The following MUC5B variants were observed in gnomAD, a reference collection of about 807,000 sequenced individuals.
MUC5B encodes the protein mucin 5B, oligomeric mucus/gel-forming.
Under a neutral mutation model 376.9 loss-of-function variants are expected in MUC5B, and 116 were observed. The observed-to-expected ratio is 0.31, with a 90% confidence interval of 0.26 to 0.36. MUC5B has a LOEUF of 0.36. Among genes scored for constraint, MUC5B ranks in the 10% least tolerant of loss-of-function variants. MUC5B has a pLI of 1.00. For synonymous variants in MUC5B, 3,517 were observed against 3,390.9 expected, an observed-to-expected ratio of 1.04 and a Z score of -1.29; for missense variants, 7,165 against 7,769.9, an observed-to-expected ratio of 0.92 and a Z score of 2.93.
chr11:1,223,074 C>A lies in MUC5B; in HGVS notation c.-50C>A, dbSNP rs749701950. 1.0e-5 allele frequency: 7 copies of A among 688,598 alleles called. No homozygotes were observed. Among genetic ancestry groups the A allele is most frequent in the Middle Eastern group, 3.7e-4 (1 of 2,682 alleles). The allele number at this position is 688,598 out of a possible 1,614,324, so 42.7% of individuals were successfully genotyped here. A position where few individuals can be genotyped will look rare whatever the true frequency, so the allele number is the denominator to read the frequency against. ...CCCCCAGGGGAGCAAGCACCCGGCC[C>A]GGCTCCCTCCCTGCCCGTCCCCGTC... On this transcript the variant is annotated 5_prime_UTR_variant, in exon 1 of 49. Coordinates refer to ENST00000529681, the MANE Select transcript of MUC5B (RefSeq NM_002458.3).
chr11:1,255,304 C>T (rs1229119123), intron 36 of MUC5B, 38 bp downstream of exon 36: 3 of 1,505,206 alleles, frequency 2.0e-6, no homozygotes, highest in African/African-American at 2.8e-5. Flanking sequence ...CCCTGGGGCG[C>T]CCCCGCCCGC....
intron 1 of MUC5B, among the ~76,000 whole-genome samples, chr11:1,224,303 C>T (rs990287892): frequency 2.0e-5 from 3 of 152,110 alleles, no homozygotes; most frequent in African/African-American, 7.2e-5. Flanking sequence ...GGCAGCCCTG[C>T]ACAGAGCAGC....
In MUC5B at chr11:1,247,583, C is replaced by T; in HGVS notation, c.10703C>T (p.Thr3568Ile). Residue 3568 changes from threonine to isoleucine, a missense_variant, in exon 31 of 49, where the codon ACC becomes ATC. Physicochemically the swap from Thr to Ile is moderately conservative, Grantham distance 89. Transcript: ENST00000529681. ...TCGGCCCCCATAACCACGGTGGTGA[C>T]CACGGGCTGTGAGCCCCAGTGTGCC... is the stretch of plus-strand genomic sequence containing the variant. ...PTSAPITTVV[T>I]TGCEPQCAWS... The T allele has an allele frequency of 6.2e-7, 1 of 1,610,916 alleles. No individual in the cohort carries two copies. Among genetic ancestry groups the T allele is most frequent in the Non-Finnish European group, 8.5e-7 (1 of 1,179,438 alleles).
At chr11:1,260,194 G>A (rs557776506) in intron 46 of MUC5B, 109 bp downstream of exon 46, 2 of 1,399,770 alleles carry the variant, frequency 1.4e-6, no homozygotes, top group Non-Finnish European at 9.7e-7. Context: ...CTGCTGGGGA[G>A]GCCCCACCCC....
In MUC5B at chr11:1,226,790, C is replaced by G; in HGVS notation, c.375C>G (p.Ser125=). ...NVQLRRGLVG[S]RPVVTRVVIK... is the part of the protein sequence containing the mutation. ...AGCTACGCCGAGGCCTAGTGGGCTC[C>G]AGGCCTGTGGTCACCCGTGTTGTCA... The change falls in exon 4 of 49, where the codon TCC becomes TCG. Residue 125 remains serine (S), a synonymous_variant. Coordinates refer to ENST00000529681, the MANE Select transcript of MUC5B (RefSeq NM_002458.3). 6.2e-7 allele frequency: 1 copy of G among 1,612,272 alleles called. No individual in the cohort carries two copies. The highest frequency in any genetic ancestry group is 8.5e-7 in the Non-Finnish European group (1 of 1,179,808).
rs750345458 is a variant in MUC5B, at chr11:1,243,733, A to G, written c.6853A>G (p.Thr2285Ala). 22 of 1,610,870 alleles carry G rather than the reference A, an allele frequency of 1.4e-5. No homozygotes were observed. Among genetic ancestry groups the G allele is most frequent in the Non-Finnish European group, 1.9e-5 (22 of 1,179,362 alleles). The change falls in exon 31 of 49, where the codon ACG (threonine) becomes GCG (alanine). Residue 2285 changes from threonine to alanine, a missense_variant. This residue lies in a region of MUC5B where 79 missense variants were observed against 63.0 expected (regional missense o/e 1.25). Coordinates refer to ENST00000529681, the MANE Select transcript of MUC5B (RefSeq NM_002458.3). ...CACGGCCACCTCCAGGACCACAGCCACGGCCACACCCAGCAAGACCCGCAC... is the reference window on the plus strand; with the variant it reads ...CACGGCCACCTCCAGGACCACAGCCGCGGCCACACCCAGCAAGACCCGCAC... ...HTTATSRTTA[T>A]ATPSKTRTST...
In MUC5B at chr11:1,226,902, C is replaced by T. The variant is rs752193141; in HGVS notation, c.461+26C>T. 60 of 1,394,418 alleles carry T rather than the reference C, an allele frequency of 4.3e-5. No homozygotes were observed. The East Asian group carries it at 1.5e-3, about 34-fold the overall frequency. The allele number at this position is 1,394,418 out of a possible 1,614,324, so 86.4% of individuals were successfully genotyped here. Reference sequence around the variant, plus strand: ...GTGAGCCGGCCACCCTGGGGAGGGGCGAGGGCCGGGCCACACAGTGTGACC... The same window carrying T: ...GTGAGCCGGCCACCCTGGGGAGGGGTGAGGGCCGGGCCACACAGTGTGACC... On this transcript the variant is annotated intron_variant, in intron 4 of 48. Transcript: ENST00000529681.
At chr11:1,235,494 CT>C (rs1351783770) in intron 23 of MUC5B, 81 bp downstream of exon 23, 1 of 1,212,620 alleles carries the variant, frequency 8.2e-7, no homozygotes, top group Admixed American at 2.0e-5. Flanking sequence ...GAGGCTTTAG[CT>C]GCACCCACAG....
rs754796980 is a variant in MUC5B, at chr11:1,244,231, T to A, written c.7351T>A (p.Ser2451Thr). ...AGCCACTACGACTGAGTCCACTGGA[T>A]CCACGGCCACCCCGTCCTCCACCCC... ...TTATTTESTG[S>T]TATPSSTPGT... The change falls in exon 31 of 49, where the codon TCC becomes ACC. Residue 2451 changes from serine (S) to threonine (T), a missense_variant. This residue lies in a region of MUC5B where 194 missense variants were observed against 268.5 expected (regional missense o/e 0.72). Coordinates refer to ENST00000529681, the MANE Select transcript of MUC5B (RefSeq NM_002458.3). 1 of 1,611,506 alleles carries A rather than the reference T, an allele frequency of 6.2e-7. No individual in the cohort carries two copies. The highest frequency in any genetic ancestry group is 8.5e-7 in the Non-Finnish European group (1 of 1,178,768).
chr11:1,242,214 C>G lies in MUC5B; in HGVS notation c.5334C>G (p.Ser1778Arg). 1.2e-6 allele frequency: 2 copies of G among 1,613,722 alleles called. No individual in the cohort carries two copies. The highest frequency in any genetic ancestry group is 1.7e-6 in the Non-Finnish European group (2 of 1,179,870). The change falls in exon 31 of 49, where the codon AGC becomes AGG. Residue 1778 changes from serine (S) to arginine (R), a missense_variant. Coordinates refer to ENST00000529681, the MANE Select transcript of MUC5B (RefSeq NM_002458.3). ...TMSPLTNTTT[S>R]QGTTRCQPKC... Reference sequence around the variant, plus strand: ...GCCCCTTGACTAACACCACCACCAGCCAGGGCACGACCCGCTGTCAACCGA... The same window carrying G: ...GCCCCTTGACTAACACCACCACCAGGCAGGGCACGACCCGCTGTCAACCGA...
Position 1,241,001 on chromosome 11 carries a change from T to C in MUC5B, c.4121T>C (p.Val1374Ala). 1 of 1,613,372 alleles carries C rather than the reference T, an allele frequency of 6.2e-7. No homozygotes were observed. The highest frequency in any genetic ancestry group is 8.5e-7 in the Non-Finnish European group (1 of 1,179,840). Reference protein sequence around the residue: ...LRQRGYQVCPVLADIECRAAQ... With the variant: ...LRQRGYQVCPALADIECRAAQ... ...CAGAGAGGGTACCAGGTATGCCCTGTGCTGGCTGACATCGAGTGCCGGGCG... is the reference window on the plus strand; with the variant it reads ...CAGAGAGGGTACCAGGTATGCCCTGCGCTGGCTGACATCGAGTGCCGGGCG... The change falls in exon 31 of 49, where the codon GTG becomes GCG. Residue 1374 changes from valine (V) to alanine (A), a missense_variant. Val to Ala is a moderately conservative substitution (Grantham distance 64, BLOSUM62 0). Around this residue, in one of 31 missense-constraint regions of MUC5B, gnomAD observed 517 missense variants for 545.3 expected, o/e 0.95. Coordinates refer to ENST00000529681, the MANE Select transcript of MUC5B (RefSeq NM_002458.3).
Position 1,233,019 on chromosome 11 carries a change from A to C in MUC5B, c.2072A>C (p.Tyr691Ser). The C allele has an allele frequency of 1.3e-6, 2 of 1,589,312 alleles. No homozygotes were observed. The change falls in exon 18 of 49, where the codon TAC becomes TCC. Residue 691 changes from tyrosine to serine, a missense_variant. Coordinates refer to ENST00000529681, the MANE Select transcript of MUC5B (RefSeq NM_002458.3). ...CTGGCCCCACCGACCACAGCCAAGT[A>C]CATGCAGAACTGCCCCAAGTCCCAG... ...SDWRDGVCTK[Y>S]MQNCPKSQRY...
Position 1,261,715 on chromosome 11 carries a change from T to TGGCA in MUC5B, c.*108_*111dup. 1 of 1,151,914 alleles carries TGGCA rather than the reference T, an allele frequency of 8.7e-7. No individual in the cohort carries two copies. The allele number at this position is 1,151,914 out of a possible 1,614,324, so 71.4% of individuals were successfully genotyped here. On this transcript the variant is annotated 3_prime_UTR_variant, in exon 49 of 49. Transcript: ENST00000529681. ...TCTGCGGAGCCCCCCGGCCTGTGTG[T>TGGCA]GGCACCCCGCGCTCCGTGCTCCTGC...
chr11:1,247,939 C>A lies in MUC5B; in HGVS notation c.11059C>A (p.Pro3687Thr). 2 of 1,611,350 alleles carry A rather than the reference C, an allele frequency of 1.2e-6. No individual in the cohort carries two copies. The highest frequency in any genetic ancestry group is 1.1e-5 in the South Asian group (1 of 91,040). The change falls in exon 31 of 49, where the codon CCG becomes ACG. Residue 3687 changes from proline (P) to threonine (T), a missense_variant. By Grantham distance (38) the Pro-to-Thr change is conservative. Transcript: ENST00000529681. ...TSSTATPSST[P>T]GTTWILTKLT... ...CTCTACGGCCACGCCCTCCTCAACT[C>A]CGGGGACGACCTGGATCCTCACAAA...
chr11:1,244,781 T>C lies in MUC5B; in HGVS notation c.7901T>C (p.Ile2634Thr), dbSNP rs767539584. The C allele has an allele frequency of 1.2e-6, 2 of 1,611,590 alleles. No individual in the cohort carries two copies. Among genetic ancestry groups the C allele is most frequent in the African/African-American group, 2.7e-5 (2 of 74,414 alleles). The change falls in exon 31 of 49, where the codon ATC becomes ACC. Residue 2634 changes from isoleucine to threonine, a missense_variant. Coordinates refer to ENST00000529681, the MANE Select transcript of MUC5B (RefSeq NM_002458.3). ...PGTARTLPVW[I>T]STTTTPTTRG... ...ACGGCACGCACGCTTCCAGTGTGGA[T>C]CAGCACAACCACCACACCCACAACC...
In MUC5B at chr11:1,253,138, G is replaced by A; in HGVS notation, c.15217+158G>A. On this transcript the variant is annotated intron_variant, in intron 33 of 48. Coordinates refer to ENST00000529681, the MANE Select transcript of MUC5B (RefSeq NM_002458.3). The surrounding 1 kb of genome is among the most constrained non-coding windows in gnomAD (Gnocchi z 4.3). ...TGGTGGGGTGCAGTGGGGCATGGTG[G>A]GGCATGGTGGGGTGTGGTGGTGGTG... The A allele has an allele frequency of 1.3e-6, 1 of 799,922 alleles. No homozygotes were observed. Among genetic ancestry groups the A allele is most frequent in the Non-Finnish European group, 2.0e-6 (1 of 496,648 alleles). 49.6% of individuals were successfully genotyped at this position (799,922 alleles called of 1,614,324 possible).
rs200085279 is a variant in MUC5B, at chr11:1,247,925, C to T, written c.11045C>T (p.Thr3682Met). 2.7e-4 allele frequency: 427 copies of T among 1,611,188 alleles called. 6 individuals carry two copies. The highest frequency in any genetic ancestry group is 2.9e-4 in the Non-Finnish European group (344 of 1,178,272). Reference sequence around the variant, plus strand: ...ACCCCGGCCACCAGCTCTACGGCCACGCCCTCCTCAACTCCGGGGACGACC... The same window carrying T: ...ACCCCGGCCACCAGCTCTACGGCCATGCCCTCCTCAACTCCGGGGACGACC... ...PSTPATSSTA[T>M]PSSTPGTTWI... Residue 3682 changes from threonine to methionine, a missense_variant, in exon 31 of 49, where the codon ACG (threonine) becomes ATG (methionine). By Grantham distance (81) the Thr-to-Met change is moderately conservative. This residue lies in a region of MUC5B where 90 missense variants were observed against 71.1 expected (regional missense o/e 1.27). Coordinates refer to ENST00000529681, the MANE Select transcript of MUC5B (RefSeq NM_002458.3).
rs1323748956 is a variant in MUC5B at position 1,243,581 on chromosome 11, C to T, written c.6701C>T (p.Thr2234Ile). ...TTHITEPSTV[T>I]SHTLAATTGT... Reference sequence around the variant, plus strand: ...CACATCACAGAGCCTTCCACGGTGACTTCCCACACCCTAGCAGCAACCACC... The same window carrying T: ...CACATCACAGAGCCTTCCACGGTGATTTCCCACACCCTAGCAGCAACCACC... Residue 2234 changes from threonine (T) to isoleucine (I), a missense_variant, in exon 31 of 49, where the codon ACT (threonine) becomes ATT (isoleucine). By Grantham distance (89) the Thr-to-Ile change is moderately conservative. Transcript: ENST00000529681. The T allele has an allele frequency of 6.2e-7, 1 of 1,608,590 alleles. No individual in the cohort carries two copies. Among genetic ancestry groups the T allele is most frequent in the African/African-American group, 1.3e-5 (1 of 74,324 alleles).
chr11:1,229,653 T>G (rs968575046), intron 9 of MUC5B, 37 bp from the exon 10 acceptor site: 1 of 1,509,624 alleles, frequency 6.6e-7, no homozygotes. Flanking sequence ...GTGTCCCCCG[T>G]GCATGGGCCG....
Sources: gnomAD v4.1 joint callset for allele counts (sites outside exome capture counted in the v4.1 genomes callset) on GRCh38, gnomAD v4.1.1 for gene constraint, gnomAD v4.1.1 regional missense constraint, Gnocchi (gnomAD v3.1) non-coding constraint, MANE v1.5 for transcripts, NCBI Gene and HGNC (gene_info 2026-07-23, HGNC 2026-07-21) for gene names.